The following SUGCT variants were observed in gnomAD, a reference collection of about 807,000 sequenced individuals.
SUGCT encodes succinyl-CoA:glutarate-CoA transferase.
Under a neutral mutation model 55.0 loss-of-function variants are expected in SUGCT, and 41 were observed. The ratio of observed to expected loss-of-function variants is 0.74; its 90% CI spans 0.58 to 0.97. The LOEUF is 0.97. Among genes scored for constraint, SUGCT ranks in the 50% least tolerant of loss-of-function variants. SUGCT has a pLI of 0.00. For missense variants in SUGCT, 568 were observed against 547.8 expected, an observed-to-expected ratio of 1.04 and a Z score of -0.37; for synonymous variants, 187 against 200.4, an observed-to-expected ratio of 0.93 and a Z score of 0.56.
At chr7:40,706,899 C>T (rs1477355728) in intron 12 of SUGCT, among the ~76,000 whole-genome samples, 1 of 152,200 alleles carries the variant, frequency 6.6e-6, no homozygotes, top group African/African-American at 2.4e-5. Context: ...AGTTCCCAGA[C>T]TCTCACTTTG....
chr7:40,694,169 T>C (rs760829326), intron 12 of SUGCT, among the ~76,000 whole-genome samples: 2 of 152,186 alleles, frequency 1.3e-5, no homozygotes, highest in Non-Finnish European at 2.9e-5. Context: ...TTTTGAAAGT[T>C]TCTGTCAAAG....
At chr7:40,178,478 C>A (rs938680905) in intron 1 of SUGCT, among the ~76,000 whole-genome samples, 1 of 152,036 alleles carries the variant, frequency 6.6e-6, no homozygotes, top group Non-Finnish European at 1.5e-5. Flanking sequence ...TTTCTACCCT[C>A]ACACTTGACT....
At chr7:40,323,528 G>A (rs112089304) in intron 9 of SUGCT, among the ~76,000 whole-genome samples, 1,663 of 152,054 alleles carry the variant, frequency 0.011, 33 homozygotes, top group African/African-American at 0.038. Flanking sequence ...TAATAGCTGG[G>A]ACCACAGGCA....
intron 7 of SUGCT, among the ~76,000 whole-genome samples, chr7:40,257,247 T>C (rs951389210): frequency 8.9e-4 from 136 of 152,286 alleles, no homozygotes; most frequent in East Asian, 1.7e-3. Flanking sequence ...TAAGATAGAA[T>C]ACATTATTTT....
At chr7:40,418,534 A>G (rs1787131245) in intron 9 of SUGCT, among the ~76,000 whole-genome samples, 1 of 152,198 alleles carries the variant, frequency 6.6e-6, no homozygotes, top group African/African-American at 2.4e-5. Context: ...ATGAGTTTGT[A>G]CCAGCTCAAA....
At chr7:40,469,757 A>C (rs1790310355) in intron 11 of SUGCT, among the ~76,000 whole-genome samples, 1 of 151,924 alleles carries the variant, frequency 6.6e-6, no homozygotes, top group South Asian at 2.1e-4. Flanking sequence ...ACCATTCCAC[A>C]CTACCTTTTA....
intron 1 of SUGCT, among the ~76,000 whole-genome samples, chr7:40,175,278 G>C (rs2150690200): frequency 6.6e-6 from 1 of 151,450 alleles, no homozygotes; most frequent in Admixed American, 6.6e-5. Flanking sequence ...GGAGTGTAGT[G>C]GTGCAATCTC....
At chr7:40,523,886 C>T (rs1793677835) in intron 12 of SUGCT, among the ~76,000 whole-genome samples, 1 of 152,050 alleles carries the variant, frequency 6.6e-6, no homozygotes, top group South Asian at 2.1e-4. Flanking sequence ...CAAATTTTCT[C>T]TCAATTTTTT....
intron 13 of SUGCT, among the ~76,000 whole-genome samples, chr7:40,852,761 C>T (rs1793917466): frequency 6.6e-6 from 1 of 151,964 alleles, no homozygotes; most frequent in African/African-American, 2.4e-5. Flanking sequence ...TAGAAATGCC[C>T]TTTCTCCCAC....
At chr7:40,241,675 A>T (rs1350321829) in intron 7 of SUGCT, among the ~76,000 whole-genome samples, 1 of 151,616 alleles carries the variant, frequency 6.6e-6, no homozygotes, top group Non-Finnish European at 1.5e-5. Context: ...TAATTCCAGC[A>T]CTTTGGGAGG....
intron 13 of SUGCT, among the ~76,000 whole-genome samples, chr7:40,831,838 G>A (rs1792682440): frequency 6.6e-6 from 1 of 152,184 alleles, no homozygotes; most frequent in Non-Finnish European, 1.5e-5. Context: ...GTGTGATGAA[G>A]GCTACCAGGC....
chr7:40,665,304 T>C (rs1291565132), intron 12 of SUGCT, among the ~76,000 whole-genome samples: 2 of 151,966 alleles, frequency 1.3e-5, no homozygotes, highest in East Asian at 1.9e-4. Context: ...TAGCCAAGCA[T>C]TGTGGCGTGC....
chr7:40,951,013 G>A, the SUGCT span, among the ~76,000 whole-genome samples: 4 of 152,078 alleles, frequency 2.6e-5, no homozygotes, highest in Admixed American at 6.5e-5. Flanking sequence ...CCTACTGATT[G>A]GAATAGTTTC....
At chr7:40,447,278 T>G (rs1210454103) in intron 9 of SUGCT, among the ~76,000 whole-genome samples, 11 of 152,172 alleles carry the variant, frequency 7.2e-5, no homozygotes, top group Admixed American at 5.9e-4. Flanking sequence ...GTGGCTAATG[T>G]AAGAAGCAAG....
At chr7:40,930,420 A>T in the SUGCT span, among the ~76,000 whole-genome samples, 1 of 152,100 alleles carries the variant, frequency 6.6e-6, no homozygotes, top group Non-Finnish European at 1.5e-5. Flanking sequence ...TTTTGGTTCT[A>T]TATGAACTTT....
chr7:40,393,258 G>A (rs946045614), intron 9 of SUGCT, among the ~76,000 whole-genome samples: 2 of 152,154 alleles, frequency 1.3e-5, no homozygotes, highest in Non-Finnish European at 2.9e-5. Context: ...TGTATAATGA[G>A]AACCAATGGT....
At chr7:40,180,210 G>A (rs1314973191) in intron 1 of SUGCT, among the ~76,000 whole-genome samples, 6 of 151,280 alleles carry the variant, frequency 4.0e-5, no homozygotes, top group Non-Finnish European at 7.4e-5. Flanking sequence ...TACAGCTTCC[G>A]CCTCCCGGGT....
the SUGCT span, among the ~76,000 whole-genome samples, chr7:41,014,810 A>G: frequency 3.3e-5 from 5 of 152,310 alleles, no homozygotes; most frequent in South Asian, 1.0e-3. Flanking sequence ...GATTTATTTT[A>G]CCAATAGATT....
Position 40,847,407 on chromosome 7 carries a change from C to CTTTTTTTTTTTTTTT in SUGCT, c.1154-12906_1154-12905insTTTTTTTTTTTTTTT, listed in dbSNP as rs1338885686. ...GATGACATATACATTTCTTTTCTTT[C>CTTTTTTTTTTTTTTT]TTTCTTTTTTTTTTTTTTTTTTTTT... On this transcript the variant is annotated intron_variant, in intron 13 of 13. Coordinates refer to ENST00000335693, the MANE Select transcript of SUGCT (RefSeq NM_001193313.2). Among the ~76,000 whole-genome samples the CTTTTTTTTTTTTTTT allele has an allele frequency of 2.2e-4, 26 of 117,878 alleles. 1 individual carries two copies. In the East Asian group the frequency reaches 3.0e-3, roughly 13 times the overall value. The allele number at this position is 117,878 out of a possible 152,430, so 77.3% of individuals were successfully genotyped here.
Sources: allele counts gnomAD v4.1 joint callset (sites outside exome capture counted in the v4.1 genomes callset), GRCh38; gene constraint gnomAD v4.1.1; transcripts MANE v1.5; gene names NCBI Gene and HGNC (gene_info 2026-07-23, HGNC 2026-07-21).